The following KLF13 variants were observed in gnomAD, a reference collection of about 807,000 sequenced individuals.
KLF13 encodes KLF transcription factor 13, also known as Krueppel-like factor 13.
A neutral mutation model predicts 16.7 loss-of-function variants in KLF13; 8 were observed. The ratio of observed to expected loss-of-function variants is 0.48; its 90% CI spans 0.28 to 0.87. KLF13 has a LOEUF of 0.87. Among genes scored for constraint, KLF13 ranks in the 40% least tolerant of loss-of-function variants. The pLI, the probability that KLF13 is intolerant of heterozygous loss-of-function variation, is 0.10. For missense variants in KLF13, 447 were observed against 452.2 expected (o/e 0.99, Z 0.10); for synonymous variants, 245 against 208.4 (o/e 1.18, Z -1.51).
At chr15:31,426,617 C>T (rs114465283) in intron 1 of KLF13, among the ~76,000 whole-genome samples, 176 of 152,204 alleles carry the variant, frequency 1.2e-3, no homozygotes, top group African/African-American at 3.7e-3. Flanking sequence ...ACAATAAAAA[C>T]GCATAACCTG....
chr15:31,327,616 G>C lies in KLF13; in HGVS notation c.404G>C (p.Arg135Pro). 1 of 1,329,318 alleles carries C rather than the reference G, an allele frequency of 7.5e-7. No individual in the cohort carries two copies. Among genetic ancestry groups the C allele is most frequent in the Non-Finnish European group, 9.8e-7 (1 of 1,024,512 alleles). 82.3% of individuals were successfully genotyped at this position (1,329,318 alleles called of 1,614,324 possible). The change falls in exon 1 of 2, where the codon CGG becomes CCG. Residue 135 changes from arginine to proline, a missense_variant. This residue lies in a region of KLF13 where 359 missense variants were observed against 282.8 expected (regional missense o/e 1.27). Coordinates refer to ENST00000307145, the MANE Select transcript of KLF13 (RefSeq NM_015995.4). ...CCCGAGGCGGGGCTGGAGCCCGAGC[G>C]GGAGCCGGGGCCCGCGGGGAGCGGC... Reference protein sequence around the residue: ...PEPEAGLEPEREPGPAGSGEP... With the variant: ...PEPEAGLEPEPEPGPAGSGEP...
intron 1 of KLF13, among the ~76,000 whole-genome samples, chr15:31,332,345 C>T (rs1037311756): frequency 5.3e-5 from 8 of 152,236 alleles, no homozygotes; most frequent in African/African-American, 1.4e-4. Flanking sequence ...ACATTGAGAA[C>T]GTTTAAAACA....
chr15:31,397,563 T>G (rs568206606), intron 2 of KLF13, among the ~76,000 whole-genome samples: 2 of 152,276 alleles, frequency 1.3e-5, no homozygotes, highest in South Asian at 2.1e-4. Flanking sequence ...CCCTTTGGGG[T>G]CAGGGCTGCC....
At position 31,413,187 on chromosome 15, in the gene KLF13, C is replaced by CAAAAAAAAAAAAAAAAAAA. The variant is rs1161762538; in HGVS notation, n.117+19511_117+19512insAAAAAAAAAAAAAAAAAAA. 1.5e-3 allele frequency among the ~76,000 whole-genome samples: 94 copies of CAAAAAAAAAAAAAAAAAAA among 63,216 alleles called. 1 individual carries two copies. The highest frequency in any genetic ancestry group is 2.5e-3 in the Non-Finnish European group (69 of 27,270). 41.5% of individuals were successfully genotyped at this position (63,216 alleles called of 152,430 possible). On this transcript the variant is annotated intron_variant and non_coding_transcript_variant, in intron 1 of 1. Transcript: ENST00000558225. ...GAAGAACAGAGAGAAAATGAATAGA[C>CAAAAAAAAAAAAAAAAAAA]AAAAAAAAAAAAAAACAAAAAACAA...
At chr15:31,405,429 G>A (rs2040113242), downstream of KLF13, among the ~76,000 whole-genome samples, 1 of 152,252 alleles carries the variant, frequency 6.6e-6, no homozygotes, top group Non-Finnish European at 1.5e-5. Flanking sequence ...GCCTTCACCA[G>A]TCACCAAATA....
chr15:31,417,063 G>A (rs376724643), intron 1 of KLF13, among the ~76,000 whole-genome samples: 9 of 152,228 alleles, frequency 5.9e-5, no homozygotes, highest in South Asian at 4.1e-4. Flanking sequence ...AGTTTGGTTT[G>A]CCCCCTTCTC....
intron 1 of KLF13, among the ~76,000 whole-genome samples, chr15:31,358,892 G>A (rs12905107): frequency 0.24 from 36,723 of 152,176 alleles, 4,790 homozygotes; most frequent in South Asian, 0.37. Context: ...CTGAAGCCAG[G>A]GAACATTCCC....
At chr15:31,432,213 T>G (rs538639018) in intron 1 of KLF13, among the ~76,000 whole-genome samples, 3 of 152,184 alleles carry the variant, frequency 2.0e-5, no homozygotes, top group South Asian at 4.1e-4. Flanking sequence ...GTTGAGAATT[T>G]TTTTTCCTGG....
At chr15:31,383,276 C>T (rs2039750297) in intron 1 of KLF13, among the ~76,000 whole-genome samples, 1 of 152,250 alleles carries the variant, frequency 6.6e-6, no homozygotes, top group Non-Finnish European at 1.5e-5. Flanking sequence ...GCGGAACATG[C>T]TCAGAGCAGG....
intron 1 of KLF13, among the ~76,000 whole-genome samples, chr15:31,344,967 C>T (rs535740030): frequency 2.0e-5 from 3 of 152,274 alleles, no homozygotes; most frequent in Admixed American, 6.5e-5. Context: ...CAAGCCAACC[C>T]TGGGGGCTGG....
chr15:31,328,745 C>T (rs952648409), intron 1 of KLF13, among the ~76,000 whole-genome samples: 5 of 152,210 alleles, frequency 3.3e-5, no homozygotes, highest in African/African-American at 4.8e-5. Flanking sequence ...TTCCCTCCCC[C>T]CTTTTTGTTT....
chr15:31,366,030 C>A (rs1249821468), intron 1 of KLF13: 1 of 152,228 alleles, frequency 6.6e-6, no homozygotes, highest in African/African-American at 2.4e-5. Flanking sequence ...CGCGGCCTCG[C>A]TGTGGCGCCA....
Position 31,372,640 on chromosome 15 carries a change from G to A in KLF13, c.*341G>A. 1 of 260,404 alleles carries A rather than the reference G, an allele frequency of 3.8e-6. No homozygotes were observed. The highest frequency in any genetic ancestry group is 7.2e-6 in the Non-Finnish European group (1 of 138,380). The allele number at this position is 260,404 out of a possible 1,614,324, so 16.1% of individuals were successfully genotyped here. On this transcript the variant is annotated 3_prime_UTR_variant, in exon 2 of 2. Coordinates refer to ENST00000307145, the MANE Select transcript of KLF13 (RefSeq NM_015995.4). ...TTTGCACTCTGGAGTTTTCTGTTAG[G>A]TTCGGGAACACGCTGGGGACAGAGC...
chr15:31,420,604 TA>T (rs2040310376), intron 1 of KLF13: 1 of 425,956 alleles, frequency 2.3e-6, no homozygotes, highest in African/African-American at 2.1e-5. Flanking sequence ...GGAAAAACCC[TA>T]CAGCTTTTAC....
chr15:31,407,305 T>A (rs7181163), downstream of KLF13, among the ~76,000 whole-genome samples: 1 of 151,928 alleles, frequency 6.6e-6, no homozygotes, highest in African/African-American at 2.4e-5. Flanking sequence ...CAGGGAGACC[T>A]CTTCTCTATA....
At chr15:31,384,971 C>T (rs997794412) in intron 1 of KLF13, among the ~76,000 whole-genome samples, 5 of 152,112 alleles carry the variant, frequency 3.3e-5, no homozygotes, top group African/African-American at 7.2e-5. Flanking sequence ...GAGGTAAGGC[C>T]TTGGGGAGGT....
At chr15:31,386,406 G>A (rs2039797424) in intron 1 of KLF13, among the ~76,000 whole-genome samples, 1 of 152,212 alleles carries the variant, frequency 6.6e-6, no homozygotes, top group African/African-American at 2.4e-5. Flanking sequence ...GGCTGAAGCA[G>A]GAGAATCACT....
At position 31,376,967 on chromosome 15, in the gene KLF13, G is replaced by C. The variant is rs900986663; in HGVS notation, c.*4668G>C. The C allele has an allele frequency of 6.8e-6, 1 of 148,134 alleles. No individual in the cohort carries two copies. The highest frequency in any genetic ancestry group is 2.5e-5 in the African/African-American group (1 of 40,586). The allele number at this position is 148,134 out of a possible 1,614,324, so 9.2% of individuals were successfully genotyped here. A position where few individuals can be genotyped will look rare whatever the true frequency, so the allele number is the denominator to read the frequency against. ...CCTACAAGTCACACATTCCGGGGAG[G>C]GGGGTGGGGGGTGGAGGCAGGAAGT... On this transcript the variant is annotated 3_prime_UTR_variant, in exon 2 of 2. Transcript: ENST00000307145.
At chr15:31,339,237 G>A (rs904157919) in intron 1 of KLF13, among the ~76,000 whole-genome samples, 1 of 152,160 alleles carries the variant, frequency 6.6e-6, no homozygotes, top group Non-Finnish European at 1.5e-5. Flanking sequence ...TTCTAGGATG[G>A]GTTTCTATTT....
Sources: allele counts gnomAD v4.1 joint callset (sites outside exome capture counted in the v4.1 genomes callset), GRCh38; gene constraint gnomAD v4.1.1; regional missense constraint gnomAD v4.1.1; transcripts MANE v1.5; gene names NCBI Gene and HGNC (gene_info 2026-07-23, HGNC 2026-07-21).